The following ADGRL2 variants were observed in gnomAD, a reference collection of about 807,000 sequenced individuals.
ADGRL2 encodes the protein calcium-independent alpha-latrotoxin receptor 2.
Under a neutral mutation model 157.4 loss-of-function variants are expected in ADGRL2, and 44 were observed. That is an observed-to-expected ratio of 0.28 (90% CI 0.22 to 0.36). The LOEUF (loss-of-function observed/expected upper bound fraction) is 0.36. ADGRL2 is among the 10% of genes least tolerant of loss of function. The pLI is 1.00. For missense variants in ADGRL2, 1,510 were observed against 1,768.9 expected, an observed-to-expected ratio of 0.85 and a Z score of 2.63; for synonymous variants, 585 against 624.7, an observed-to-expected ratio of 0.94 and a Z score of 0.95.
At chr1:81,911,153 G>A (rs1223268949) in intron 3 of ADGRL2, among the ~76,000 whole-genome samples, 3 of 152,028 alleles carry the variant, frequency 2.0e-5, no homozygotes, top group Non-Finnish European at 2.9e-5. Flanking sequence ...TCATTTAAAA[G>A]TGTGAAACTA....
At chr1:81,631,995 T>G (rs1168096083) in intron 3 of ADGRL2, among the ~76,000 whole-genome samples, 1 of 152,218 alleles carries the variant, frequency 6.6e-6, no homozygotes, top group African/African-American at 2.4e-5. Flanking sequence ...CCATCAAATA[T>G]TTATTATATA....
chr1:81,820,837 T>C (rs762513995), intron 1 of ADGRL2, among the ~76,000 whole-genome samples: 15 of 152,154 alleles, frequency 9.9e-5, no homozygotes, highest in Non-Finnish European at 1.9e-4. Flanking sequence ...TTTTATAATC[T>C]GATGCCTGGT....
chr1:81,970,767 G>C (rs1452690941), intron 16 of ADGRL2, among the ~76,000 whole-genome samples: 2 of 152,156 alleles, frequency 1.3e-5, no homozygotes, highest in Non-Finnish European at 2.9e-5. Context: ...TAACACAAAA[G>C]ATTGACCTGA....
intron 2 of ADGRL2, among the ~76,000 whole-genome samples, chr1:81,461,122 C>A (rs889482008): frequency 6.6e-6 from 1 of 152,110 alleles, no homozygotes; most frequent in Non-Finnish European, 1.5e-5. Flanking sequence ...ATCTCTTCCT[C>A]TTCCCCATAC....
chr1:81,587,717 G>C (rs1431365453), intron 3 of ADGRL2, among the ~76,000 whole-genome samples: 1 of 152,018 alleles, frequency 6.6e-6, no homozygotes, highest in Non-Finnish European at 1.5e-5. Flanking sequence ...AAAAATAGCT[G>C]GCATCAGTAT....
chr1:81,652,998 T>A (rs1427530426), intron 3 of ADGRL2, among the ~76,000 whole-genome samples: 1 of 152,184 alleles, frequency 6.6e-6, no homozygotes, highest in East Asian at 1.9e-4. Flanking sequence ...GATCCCACAG[T>A]CTAGATTTTA....
intron 2 of ADGRL2, among the ~76,000 whole-genome samples, chr1:81,563,711 A>G (rs1441597151): frequency 6.6e-6 from 1 of 152,186 alleles, no homozygotes; most frequent in South Asian, 2.1e-4. Context: ...TCTATTTCTC[A>G]TATTAAATCT....
intron 1 of ADGRL2, among the ~76,000 whole-genome samples, chr1:81,738,599 G>A (rs1278408089): frequency 6.6e-6 from 1 of 152,306 alleles, no homozygotes; most frequent in African/African-American, 2.4e-5. Flanking sequence ...TGGCAGTTCA[G>A]GTGAGATGAA....
intron 2 of ADGRL2, among the ~76,000 whole-genome samples, chr1:81,782,495 A>G (rs913329969): frequency 6.6e-6 from 1 of 152,232 alleles, no homozygotes; most frequent in Non-Finnish European, 1.5e-5. Flanking sequence ...GCTGTTAACT[A>G]GTAATAGATG....
chr1:81,650,414 A>G (rs1018932978), intron 3 of ADGRL2, among the ~76,000 whole-genome samples: 4 of 151,910 alleles, frequency 2.6e-5, no homozygotes, highest in Non-Finnish European at 5.9e-5. Context: ...TCTCTACTAA[A>G]AAAATACAAA....
At chr1:81,597,176 G>A (rs1318405468) in intron 3 of ADGRL2, among the ~76,000 whole-genome samples, 2 of 152,080 alleles carry the variant, frequency 1.3e-5, no homozygotes, top group African/African-American at 2.4e-5. Flanking sequence ...CTGTCATTTG[G>A]GGGAGAGGAT....
chr1:81,439,516 T>G (rs950364382), intron 1 of ADGRL2, among the ~76,000 whole-genome samples: 3 of 152,214 alleles, frequency 2.0e-5, no homozygotes, highest in African/African-American at 7.2e-5. Context: ...CCAGGGTCAA[T>G]CCCTTGCAGG....
At chr1:81,670,861 C>A (rs993118079) in intron 3 of ADGRL2, among the ~76,000 whole-genome samples, 12 of 152,106 alleles carry the variant, frequency 7.9e-5, no homozygotes, top group African/African-American at 2.7e-4. Flanking sequence ...AGGTACACGC[C>A]ACCATGTCCA....
At chr1:81,392,999 CT>C (rs796850346) in intron 1 of ADGRL2, among the ~76,000 whole-genome samples, 2 of 152,062 alleles carry the variant, frequency 1.3e-5, no homozygotes, top group Admixed American at 6.6e-5. Flanking sequence ...TGTACACACT[CT>C]TTTGATTGTT....
intron 3 of ADGRL2, among the ~76,000 whole-genome samples, chr1:81,637,461 GA>G (rs1231989481): frequency 1.3e-5 from 2 of 152,060 alleles, no homozygotes; most frequent in African/African-American, 2.4e-5. Context: ...TAGCACAGCT[GA>G]AAAACAACTG....
intron 2 of ADGRL2, among the ~76,000 whole-genome samples, chr1:81,883,093 C>T (rs766323448): frequency 2.6e-5 from 4 of 152,096 alleles, no homozygotes; most frequent in Non-Finnish European, 4.4e-5. Flanking sequence ...GAAACCCAGG[C>T]ATATAATTAA....
At chr1:81,396,396 G>A (rs1025073465) in intron 1 of ADGRL2, among the ~76,000 whole-genome samples, 1 of 152,104 alleles carries the variant, frequency 6.6e-6, no homozygotes, top group Non-Finnish European at 1.5e-5. Context: ...ACAGCTTTTT[G>A]TTAAGAGCTT....
intron 10 of ADGRL2, among the ~76,000 whole-genome samples, chr1:81,955,031 AG>A (rs1251005455): frequency 6.6e-6 from 1 of 152,192 alleles, no homozygotes; most frequent in Non-Finnish European, 1.5e-5. Context: ...TACAGAGTGT[AG>A]GAGTATAAGA....
chr1:81,516,839 C>T (rs2079188439), intron 2 of ADGRL2, among the ~76,000 whole-genome samples: 1 of 151,826 alleles, frequency 6.6e-6, no homozygotes, highest in African/African-American at 2.4e-5. Context: ...TGACTTCAAG[C>T]AAATGACTGG....
Sources: allele counts gnomAD v4.1 joint callset (sites outside exome capture counted in the v4.1 genomes callset), GRCh38; gene constraint gnomAD v4.1.1; transcripts MANE v1.5; gene names NCBI Gene and HGNC (gene_info 2026-07-23, HGNC 2026-07-21).